The following ESRRG variants were observed in gnomAD, a reference collection of about 807,000 sequenced individuals.
ESRRG encodes the protein estrogen-related receptor gamma.
In ESRRG, 13 loss-of-function variants were observed where a neutral mutation model predicts 44.0. That is an observed-to-expected ratio of 0.30 (90% CI 0.19 to 0.47). The LOEUF is 0.47. ESRRG is among the 20% of genes least tolerant of loss of function. The probability of loss-of-function intolerance (pLI) is 1.00; values close to 1 mark genes in which losing one functional copy is unlikely to be tolerated. For missense variants in ESRRG, 395 were observed against 580.6 expected (o/e 0.68, Z 3.29); for synonymous variants, 215 against 214.6 (o/e 1.00, Z -0.02).
At chr1:216,811,442 C>T (rs995214777) in intron 2 of ESRRG, among the ~76,000 whole-genome samples, 3 of 152,102 alleles carry the variant, frequency 2.0e-5, no homozygotes, top group Non-Finnish European at 4.4e-5. Context: ...AAAAAAATCA[C>T]TCATTAACTC....
chr1:217,067,074 C>T (rs1054852956), intron 1 of ESRRG, among the ~76,000 whole-genome samples: 1 of 152,160 alleles, frequency 6.6e-6, no homozygotes, highest in Non-Finnish European at 1.5e-5. Context: ...TAAACTTGTT[C>T]ACATATGCAA....
intron 1 of ESRRG, among the ~76,000 whole-genome samples, chr1:217,072,793 A>C (rs924650): frequency 0.31 from 47,851 of 151,946 alleles, 8,039 homozygotes; most frequent in East Asian, 0.68. Context: ...CTAGATTGGG[A>C]ATCTGAAATC....
At chr1:216,832,122 T>C (rs571103845) in intron 2 of ESRRG, among the ~76,000 whole-genome samples, 24 of 152,348 alleles carry the variant, frequency 1.6e-4, no homozygotes, top group African/African-American at 5.8e-4. Flanking sequence ...GAGCAAGCGC[T>C]ACACAATAGC....
chr1:216,715,885 A>G (rs2084757657), intron 1 of ESRRG, among the ~76,000 whole-genome samples: 1 of 152,084 alleles, frequency 6.6e-6, no homozygotes, highest in Admixed American at 6.6e-5. Context: ...TCTAGAGTAG[A>G]TGAAAAAGGA....
At chr1:217,125,212 A>G (rs2092873867) in intron 1 of ESRRG, among the ~76,000 whole-genome samples, 1 of 152,160 alleles carries the variant, frequency 6.6e-6, no homozygotes, top group Non-Finnish European at 1.5e-5. Context: ...TACCAGTACC[A>G]CAAGTGTACT....
chr1:217,126,119 A>G (rs75051527), intron 1 of ESRRG, among the ~76,000 whole-genome samples: 2,645 of 152,246 alleles, frequency 0.017, 74 homozygotes, highest in African/African-American at 0.053. Context: ...TCAGCTCTGC[A>G]TCCAGACTAG....
intron 1 of ESRRG, among the ~76,000 whole-genome samples, chr1:216,946,418 C>T (rs974235434): frequency 1.3e-5 from 2 of 152,212 alleles, no homozygotes; most frequent in African/African-American, 4.8e-5. Context: ...CATAGGCCCT[C>T]GCATGTCTTG....
chr1:217,060,425 G>A (rs1396928473), intron 1 of ESRRG, among the ~76,000 whole-genome samples: 1 of 152,056 alleles, frequency 6.6e-6, no homozygotes, highest in Non-Finnish European at 1.5e-5. Flanking sequence ...GATTTCATGA[G>A]TCCAGCAACT....
intron 1 of ESRRG, among the ~76,000 whole-genome samples, chr1:216,693,729 A>G: frequency 6.6e-6 from 1 of 152,128 alleles, no homozygotes; most frequent in East Asian, 1.9e-4. Flanking sequence ...TTTTTCTAAT[A>G]TTTTTTATCT....
intron 2 of ESRRG, among the ~76,000 whole-genome samples, chr1:216,737,237 G>A (rs1461569416): frequency 1.3e-5 from 2 of 152,104 alleles, no homozygotes; most frequent in African/African-American, 2.4e-5. Context: ...AAAATTGGTG[G>A]AGACAGATAT....
chr1:216,628,735 T>C (rs1269619776), intron 3 of ESRRG, among the ~76,000 whole-genome samples: 1 of 152,138 alleles, frequency 6.6e-6, no homozygotes. Context: ...AAATCTAATA[T>C]GATCCCAAAC....
chr1:216,883,877 A>G (rs1577649087), intron 2 of ESRRG, among the ~76,000 whole-genome samples: 1 of 152,172 alleles, frequency 6.6e-6, no homozygotes, highest in Admixed American at 6.5e-5. Flanking sequence ...AAGATAATAT[A>G]ACTTGATCTG....
intron 5 of ESRRG, among the ~76,000 whole-genome samples, chr1:216,538,385 G>A (rs925326337): frequency 6.6e-6 from 1 of 152,140 alleles, no homozygotes. Context: ...GGACAAAAGC[G>A]TGAGTCTGTG....
intron 1 of ESRRG, among the ~76,000 whole-genome samples, chr1:216,687,647 C>T (rs926807727): frequency 6.6e-6 from 1 of 152,156 alleles, no homozygotes. Context: ...CATTTAGCGT[C>T]TCCTACATCT....
intron 1 of ESRRG, among the ~76,000 whole-genome samples, chr1:217,035,651 T>C (rs2082756752): frequency 6.8e-6 from 1 of 147,626 alleles, no homozygotes; most frequent in Non-Finnish European, 1.5e-5. Context: ...TCAAAAACTT[T>C]AATAAAGTAA....
chr1:216,597,881 T>C (rs908575661), intron 3 of ESRRG, among the ~76,000 whole-genome samples: 1 of 152,204 alleles, frequency 6.6e-6, no homozygotes, highest in African/African-American at 2.4e-5. Flanking sequence ...TTGATCATAC[T>C]CGTATTTTAG....
In ESRRG at chr1:216,580,643, C is replaced by T. The variant is rs147177826; in HGVS notation, c.590-12545G>A. On this transcript the variant is annotated intron_variant, in intron 3 of 6. Coordinates refer to ENST00000408911, the MANE Select transcript of ESRRG (RefSeq NM_001438.4). The stretch of plus-strand genomic sequence containing the variant: ...TGAGACATTTTTATTGCTCTCCTGC[C>T]TGGAAGCAGATGAATGAGTTTGATC... 3.7e-4 allele frequency among the ~76,000 whole-genome samples: 56 copies of T among 152,252 alleles called. No homozygotes were observed. In the East Asian group the frequency reaches 0.011, roughly 29 times the overall value.
chr1:217,108,474 A>T (rs1014639684), intron 1 of ESRRG, among the ~76,000 whole-genome samples: 1 of 152,006 alleles, frequency 6.6e-6, no homozygotes, highest in Non-Finnish European at 1.5e-5. Context: ...GCTTGTCCCC[A>T]CCCAAATGTC....
intron 3 of ESRRG, among the ~76,000 whole-genome samples, chr1:216,592,894 C>T (rs911498993): frequency 6.6e-6 from 1 of 152,136 alleles, no homozygotes; most frequent in South Asian, 2.1e-4. Context: ...ATCTAGCTTA[C>T]CTCATCTGAT....
Sources: gnomAD v4.1 joint callset for allele counts (sites outside exome capture counted in the v4.1 genomes callset) on GRCh38, gnomAD v4.1.1 for gene constraint, MANE v1.5 for transcripts, NCBI Gene and HGNC (gene_info 2026-07-23, HGNC 2026-07-21) for gene names.